Variants in MAP2K6 observed in about 807,000 individuals in gnomAD.
The protein encoded by MAP2K6 is mitogen-activated protein kinase kinase 6, also known as dual specificity mitogen-activated protein kinase kinase 6.
MAP2K6 carries 16 observed loss-of-function variants against 53.7 expected under a neutral mutation model. That is an observed-to-expected ratio of 0.30 (90% confidence interval 0.20 to 0.45). The LOEUF is 0.45. Among genes scored for constraint, MAP2K6 ranks in the 20% least tolerant of loss-of-function variants. MAP2K6 has a pLI of 1.00. For missense variants in MAP2K6, 204 were observed against 411.9 expected (o/e 0.50, Z 4.37); for synonymous variants, 132 against 143.1 (o/e 0.92, Z 0.55).
chr17:69,483,326 T>C (rs1027600867), intron 1 of MAP2K6, among the ~76,000 whole-genome samples: 1 of 151,984 alleles, frequency 6.6e-6, no homozygotes, highest in Non-Finnish European at 1.5e-5. Flanking sequence ...AATTTGTAAA[T>C]AAAATATGGT....
chr17:69,433,753 A>C (rs1005923139), intron 1 of MAP2K6: 5 of 152,224 alleles, frequency 3.3e-5, no homozygotes, highest in Admixed American at 1.3e-4. Context: ...TGGGAGAATC[A>C]AGGATTGGGA....
chr17:69,514,027 G>C (rs1233342013), intron 2 of MAP2K6, among the ~76,000 whole-genome samples: 1 of 151,592 alleles, frequency 6.6e-6, no homozygotes, highest in Non-Finnish European at 1.5e-5. Flanking sequence ...AGAATTGCTT[G>C]AACCCGGTAA....
At chr17:69,464,931 G>T (rs1046281880) in intron 1 of MAP2K6, among the ~76,000 whole-genome samples, 4 of 151,790 alleles carry the variant, frequency 2.6e-5, no homozygotes, top group Admixed American at 2.0e-4. Flanking sequence ...GGTCTGGTTG[G>T]TCTCGAACTC....
Position 69,524,901 on chromosome 17 carries a change from C to T in MAP2K6, c.664C>T (p.Pro222Ser). The T allele has an allele frequency of 6.2e-7, 1 of 1,611,372 alleles. No homozygotes were observed. The highest frequency in any genetic ancestry group is 8.5e-7 in the Non-Finnish European group (1 of 1,177,880). ...TCTCAGTTGTCTGTCTTCTTTCCAG[C>T]CTGAAAGAATAAACCCAGAGCTCAA... ...IDAGCKPYMA[P>S]ERINPELNQK... Residue 222 changes from proline (P) to serine (S), a missense_variant and splice_region_variant, in exon 9 of 12, where the codon CCT becomes TCT. Transcript: ENST00000590474.
intron 2 of MAP2K6, among the ~76,000 whole-genome samples, 172 bp downstream of exon 2, chr17:69,506,018 G>A (rs769955920): frequency 6.6e-6 from 1 of 152,210 alleles, no homozygotes; most frequent in Non-Finnish European, 1.5e-5. Context: ...AGTCAGTTAC[G>A]TTGAATGGGT....
At chr17:69,424,284 T>C (rs1036636026) in intron 1 of MAP2K6, among the ~76,000 whole-genome samples, 1 of 152,166 alleles carries the variant, frequency 6.6e-6, no homozygotes, top group African/African-American at 2.4e-5. Flanking sequence ...AGAGGAGCTT[T>C]GGTAGAATGA....
chr17:69,541,799 T>G lies in MAP2K6; in HGVS notation c.*46T>G. 6.8e-7 allele frequency: 1 copy of G among 1,480,150 alleles called. No homozygotes were observed. Among genetic ancestry groups the G allele is most frequent in the Non-Finnish European group, 9.4e-7 (1 of 1,062,604 alleles). 91.7% of individuals were successfully genotyped at this position (1,480,150 alleles called of 1,614,324 possible). On this transcript the variant is annotated 3_prime_UTR_variant, in exon 12 of 12. Coordinates refer to ENST00000590474, the MANE Select transcript of MAP2K6 (RefSeq NM_002758.4). ...TTGACCCTACTGTGGATTGGTGGGT[T>G]TCGGGGTGAAGCAAGTTCACTACAG... is the stretch of plus-strand genomic sequence containing the variant.
intron 4 of MAP2K6, 107 bp from the exon 5 acceptor site, chr17:69,519,206 C>T (rs1450829305): frequency 1.3e-5 from 17 of 1,284,474 alleles, no homozygotes; most frequent in East Asian, 2.4e-5. Flanking sequence ...ACAATGTCAT[C>T]GCCAGAACTT....
At chr17:69,444,504 G>A (rs943792178) in intron 1 of MAP2K6, among the ~76,000 whole-genome samples, 6 of 152,160 alleles carry the variant, frequency 3.9e-5, no homozygotes, top group Non-Finnish European at 7.4e-5. Context: ...GAAACATATC[G>A]AAGGAAGGGG....
intron 1 of MAP2K6, among the ~76,000 whole-genome samples, chr17:69,475,254 C>T (rs1015865561): frequency 6.6e-6 from 1 of 150,688 alleles, no homozygotes; most frequent in African/African-American, 2.4e-5. Flanking sequence ...CTGCAAGCTC[C>T]GCCTCCCGGG....
chr17:69,459,751 T>C (rs1404218669), intron 1 of MAP2K6, among the ~76,000 whole-genome samples: 1 of 105,020 alleles, frequency 9.5e-6, no homozygotes, highest in Non-Finnish European at 2.0e-5. Flanking sequence ...AAAAAAGAAA[T>C]ACACAAGAAA....
At chr17:69,533,734 T>C (rs1911206411) in intron 10 of MAP2K6, among the ~76,000 whole-genome samples, 1 of 120,010 alleles carries the variant, frequency 8.3e-6, no homozygotes, top group Non-Finnish European at 1.7e-5. Context: ...CTAGCCTGTT[T>C]GTTTTTTTTT....
chr17:69,541,436 T>A (rs2521366), intron 11 of MAP2K6, among the ~76,000 whole-genome samples: 46,044 of 151,790 alleles, frequency 0.3, 7,614 homozygotes, highest in East Asian at 0.55. Context: ...CACTTTTTTT[T>A]AAAATTTAAT....
intron 1 of MAP2K6, chr17:69,434,887 A>G (rs1037335151): frequency 1.3e-5 from 2 of 152,184 alleles, no homozygotes; most frequent in African/African-American, 4.8e-5. Context: ...ACTACATACT[A>G]TTATTTAAAG....
chr17:69,537,234 A>AT (rs1232639047), intron 11 of MAP2K6, among the ~76,000 whole-genome samples: 3 of 152,162 alleles, frequency 2.0e-5, no homozygotes, highest in African/African-American at 7.2e-5. Context: ...GGAGAAACAC[A>AT]TTTTTGGGGG....
intron 7 of MAP2K6, 74 bp downstream of exon 7, chr17:69,521,174 C>A: frequency 7.5e-7 from 1 of 1,340,088 alleles, no homozygotes; most frequent in African/African-American, 1.5e-5. Flanking sequence ...CGTCTCTACC[C>A]CCAGTCCCCC....
At chr17:69,445,072 C>T (rs1906931242) in intron 1 of MAP2K6, among the ~76,000 whole-genome samples, 1 of 152,128 alleles carries the variant, frequency 6.6e-6, no homozygotes, top group Non-Finnish European at 1.5e-5. Flanking sequence ...AAGTGTGCAC[C>T]ACCAGGCCCG....
intron 1 of MAP2K6, among the ~76,000 whole-genome samples, chr17:69,484,031 T>G (rs779898939): frequency 9.9e-5 from 15 of 152,224 alleles, no homozygotes; most frequent in South Asian, 4.1e-4. Flanking sequence ...CTTGGATTTG[T>G]CAACGATTTC....
chr17:69,516,827 T>A, intron 2 of MAP2K6, 28 bp from the exon 3 acceptor site: 1 of 1,540,276 alleles, frequency 6.5e-7, no homozygotes, highest in Non-Finnish European at 9.0e-7. Flanking sequence ...TAGCTTATGT[T>A]TCTTCTTTTC....
Sources: allele counts gnomAD v4.1 joint callset (sites outside exome capture counted in the v4.1 genomes callset), GRCh38; gene constraint gnomAD v4.1.1; transcripts MANE v1.5; gene names NCBI Gene and HGNC (gene_info 2026-07-23, HGNC 2026-07-21).